The following STARD13 variants were observed in gnomAD, a reference collection of about 807,000 sequenced individuals.
STARD13 encodes the protein stAR-related lipid transfer protein 13.
STARD13 carries 62 observed loss-of-function variants against 106.4 expected under a neutral mutation model. The ratio of observed to expected loss-of-function variants is 0.58; its 90% CI spans 0.48 to 0.72. STARD13 has a LOEUF of 0.72. Among genes scored for constraint, STARD13 ranks in the 30% least tolerant of loss-of-function variants. STARD13 has a pLI of 0.00. For synonymous variants in STARD13, 565 were observed against 553.0 expected, an observed-to-expected ratio of 1.02 and a Z score of -0.31; for missense variants, 1,387 against 1,424.0, an observed-to-expected ratio of 0.97 and a Z score of 0.42.
In STARD13 at chr13:33,180,610, A is replaced by C. The variant is rs916589088; in HGVS notation, c.170-12988T>G. ...GTGGGTTAATGTGGAGTCCAAGGTC[A>C]TTGATCTCAAGAGGTCATGAATCTC... is the stretch of plus-strand genomic sequence containing the variant. On this transcript the variant is annotated intron_variant, in intron 1 of 13. Coordinates refer to ENST00000336934, the MANE Select transcript of STARD13 (RefSeq NM_178006.4). 1.3e-5 allele frequency: 2 copies of C among 152,232 alleles called. 1 individual carries two copies. The highest frequency in any genetic ancestry group is 1.3e-4 in the Admixed American group (2 of 15,276). The allele number at this position is 152,232 out of a possible 1,614,324, so 9.4% of individuals were successfully genotyped here.
chr13:33,470,644 T>C, the STARD13 span, among the ~76,000 whole-genome samples: 1 of 152,262 alleles, frequency 6.6e-6, no homozygotes, highest in Non-Finnish European at 1.5e-5. Context: ...TATCTCATTG[T>C]GGTTTTGATT....
intron 1 of STARD13, among the ~76,000 whole-genome samples, chr13:33,343,605 A>AAAAC (rs2077987851): frequency 8.8e-5 from 1 of 11,300 alleles, no homozygotes; most frequent in African/African-American, 3.1e-4. Flanking sequence ...AAACAAATCT[A>AAAAC]CAAATCTAGT....
the STARD13 span, among the ~76,000 whole-genome samples, chr13:33,426,386 G>T: frequency 1.3e-5 from 2 of 152,026 alleles, no homozygotes; most frequent in Non-Finnish European, 2.9e-5. Context: ...TTTAATTAAG[G>T]TTATTTTATT....
At chr13:33,490,382 C>A in the STARD13 span, among the ~76,000 whole-genome samples, 5 of 152,104 alleles carry the variant, frequency 3.3e-5, no homozygotes, top group Admixed American at 6.6e-5. Flanking sequence ...CTCTTTGGTC[C>A]GCCACATCCC....
chr13:33,401,424 C>T, the STARD13 span, among the ~76,000 whole-genome samples: 2 of 152,194 alleles, frequency 1.3e-5, no homozygotes, highest in Admixed American at 1.3e-4. Flanking sequence ...GGGCAGAGAG[C>T]CAAGCCTCCC....
At chr13:33,482,382 G>A in the STARD13 span, among the ~76,000 whole-genome samples, 1 of 152,110 alleles carries the variant, frequency 6.6e-6, no homozygotes, top group Admixed American at 6.6e-5. Context: ...TTTTTAACAG[G>A]TGCCTTTTCT....
intron 1 of STARD13, among the ~76,000 whole-genome samples, chr13:33,207,718 A>T (rs1353148883): frequency 6.6e-6 from 1 of 152,184 alleles, no homozygotes; most frequent in Non-Finnish European, 1.5e-5. Flanking sequence ...GTCTGTAAAC[A>T]TCCCTTTAAT....
the STARD13 span, among the ~76,000 whole-genome samples, chr13:33,616,251 G>T: frequency 6.6e-6 from 1 of 151,114 alleles, no homozygotes; most frequent in African/African-American, 2.4e-5. Context: ...GGGGAGAAGG[G>T]AAGAAGGGAA....
intron 13 of STARD13, among the ~76,000 whole-genome samples, chr13:33,106,262 C>T (rs897014811): frequency 3.3e-5 from 5 of 152,038 alleles, no homozygotes; most frequent in Non-Finnish European, 7.4e-5. Flanking sequence ...TCTACAAAAA[C>T]ATACAAAAAT....
chr13:33,210,745 G>T (rs1423132418), intron 1 of STARD13, among the ~76,000 whole-genome samples: 1 of 152,194 alleles, frequency 6.6e-6, no homozygotes, highest in Non-Finnish European at 1.5e-5. Flanking sequence ...AGCAAATAGG[G>T]TGCGATATTG....
At chr13:33,595,596 T>A in the STARD13 span, among the ~76,000 whole-genome samples, 1 of 152,184 alleles carries the variant, frequency 6.6e-6, no homozygotes, top group Middle Eastern at 3.2e-3. Flanking sequence ...ATCTTCAATC[T>A]AAGATACATG....
At chr13:33,317,596 C>G (rs904540504) in intron 1 of STARD13, among the ~76,000 whole-genome samples, 3 of 152,154 alleles carry the variant, frequency 2.0e-5, no homozygotes, top group African/African-American at 7.2e-5. Context: ...CCTCAAATAT[C>G]ACCATCCTTG....
the STARD13 span, among the ~76,000 whole-genome samples, chr13:33,480,261 T>C: frequency 6.6e-6 from 1 of 152,220 alleles, no homozygotes; most frequent in African/African-American, 2.4e-5. Flanking sequence ...ACTCATTTTG[T>C]ATTACATATT....
chr13:33,304,344 A>G (rs879266609), intron 1 of STARD13, among the ~76,000 whole-genome samples: 1 of 152,188 alleles, frequency 6.6e-6, no homozygotes, highest in Non-Finnish European at 1.5e-5. Flanking sequence ...GAAAAGACAT[A>G]GGGTCTATTT....
At chr13:33,665,941 A>T in the STARD13 span, among the ~76,000 whole-genome samples, 1 of 152,180 alleles carries the variant, frequency 6.6e-6, no homozygotes, top group African/African-American at 2.4e-5. Flanking sequence ...CTTGGGCTGC[A>T]CGTGTCAGTA....
At chr13:33,481,933 A>G in the STARD13 span, among the ~76,000 whole-genome samples, 1 of 151,132 alleles carries the variant, frequency 6.6e-6, no homozygotes, top group Non-Finnish European at 1.5e-5. Flanking sequence ...CAGTGAGCCG[A>G]GATCGCGCCA....
intron 1 of STARD13, chr13:33,188,385 G>A (rs1441860807): frequency 6.6e-6 from 1 of 152,098 alleles, no homozygotes; most frequent in African/African-American, 2.4e-5. Flanking sequence ...TATATTTATG[G>A]GAATAGTGAA....
intron 4 of STARD13, chr13:33,138,617 G>C (rs1213072396): frequency 4.2e-6 from 1 of 235,634 alleles, no homozygotes; most frequent in African/African-American, 2.3e-5. Context: ...AAATTTAGAC[G>C]TTAACTGGAG....
the STARD13 span, among the ~76,000 whole-genome samples, chr13:33,519,208 TTTTCTTTCTTTCTTTCTTTCTTTCTTTC>T: frequency 9.8e-6 from 1 of 101,530 alleles, no homozygotes; most frequent in African/African-American, 4.6e-5. Flanking sequence ...CTTGGTAATT[TTTTCTTTCTTTCTTTCTTTCTTTCTTTC>T]TTTCTTTCTT....
Sources: allele counts gnomAD v4.1 joint callset (sites outside exome capture counted in the v4.1 genomes callset), GRCh38; gene constraint gnomAD v4.1.1; transcripts MANE v1.5; gene names NCBI Gene and HGNC (gene_info 2026-07-23, HGNC 2026-07-21).